Variants in COL5A2 observed in about 807,000 individuals in gnomAD.
COL5A2 encodes collagen type V alpha 2 chain, also known as collagen alpha-2(V) chain.
In COL5A2, 23 loss-of-function variants were observed where a neutral mutation model predicts 208.2. The observed-to-expected ratio is 0.11, with a 90% CI of 0.08 to 0.16. The LOEUF (loss-of-function observed/expected upper bound fraction) is 0.16. Among genes scored for constraint, COL5A2 ranks in the 10% least tolerant of loss-of-function variants. The probability of loss-of-function intolerance (pLI) is 1.00; values close to 1 mark genes in which losing one functional copy is unlikely to be tolerated. For synonymous variants in COL5A2, 625 were observed against 628.5 expected, an observed-to-expected ratio of 0.99 and a Z score of 0.08; for missense variants, 1,590 against 1,956.4, an observed-to-expected ratio of 0.81 and a Z score of 3.53.
At chr2:189,181,266 G>A (rs944600411), upstream of COL5A2, among the ~76,000 whole-genome samples, 2 of 152,042 alleles carry the variant, frequency 1.3e-5, no homozygotes, top group Non-Finnish European at 2.9e-5. Context: ...AATTTTCCCG[G>A]TTGTTTCCAG....
At chr2:189,070,907 GGAATTAA>G (rs1237449872) in intron 18 of COL5A2, among the ~76,000 whole-genome samples, 1 of 152,140 alleles carries the variant, frequency 6.6e-6, no homozygotes, top group Non-Finnish European at 1.5e-5. Context: ...TGCAGGGAAA[GGAATTAA>G]GGCACTATTT....
chr2:189,206,255 A>T (rs1047075944), intron 1 of COL5A2, among the ~76,000 whole-genome samples: 2 of 152,188 alleles, frequency 1.3e-5, no homozygotes, highest in African/African-American at 4.8e-5. Context: ...CCAAGACTGA[A>T]CCAACCATAT....
At chr2:189,361,544 G>GTT in the COL5A2 span, among the ~76,000 whole-genome samples, 19 of 149,538 alleles carry the variant, frequency 1.3e-4, no homozygotes, top group African/African-American at 1.5e-4. Context: ...GTTGGGTCTT[G>GTT]TTTTTTTTTA....
chr2:189,279,845 A>G, the COL5A2 span, among the ~76,000 whole-genome samples: 2 of 152,234 alleles, frequency 1.3e-5, no homozygotes, highest in South Asian at 4.1e-4. Context: ...TCAAATGAAA[A>G]CTACTATAAA....
At chr2:189,369,514 T>C in the COL5A2 span, among the ~76,000 whole-genome samples, 1 of 152,122 alleles carries the variant, frequency 6.6e-6, no homozygotes, top group Non-Finnish European at 1.5e-5. Flanking sequence ...GATACATTCG[T>C]TTTCATTGAG....
intron 1 of COL5A2, among the ~76,000 whole-genome samples, chr2:189,213,020 C>G (rs1256330795): frequency 6.6e-6 from 1 of 151,890 alleles, no homozygotes; most frequent in Non-Finnish European, 1.5e-5. Context: ...TCTCAAGTAA[C>G]TGGGACTACA....
At chr2:189,186,942 T>C (rs182065040) in intron 1 of COL5A2, among the ~76,000 whole-genome samples, 1 of 152,326 alleles carries the variant, frequency 6.6e-6, no homozygotes, top group Admixed American at 6.5e-5. Context: ...TCTTATGATA[T>C]GAATTTTCAT....
At chr2:189,208,342 T>C (rs1479624684) in intron 1 of COL5A2, among the ~76,000 whole-genome samples, 1 of 152,218 alleles carries the variant, frequency 6.6e-6, no homozygotes, top group East Asian at 1.9e-4. Context: ...TTGATTTGAA[T>C]GAATGAACAA....
At chr2:189,243,310 T>C in the COL5A2 span, among the ~76,000 whole-genome samples, 1 of 152,164 alleles carries the variant, frequency 6.6e-6, no homozygotes. Context: ...ATGGAATTTG[T>C]ATTAGTTCAT....
At chr2:189,321,275 C>A in the COL5A2 span, among the ~76,000 whole-genome samples, 1 of 152,098 alleles carries the variant, frequency 6.6e-6, no homozygotes, top group Admixed American at 6.5e-5. Flanking sequence ...GTAAAATAAC[C>A]AGCTAACATA....
intron 1 of COL5A2, among the ~76,000 whole-genome samples, chr2:189,185,773 G>A (rs1332350488): frequency 6.6e-6 from 1 of 152,150 alleles, no homozygotes; most frequent in African/African-American, 2.4e-5. Flanking sequence ...GCTATTTCCT[G>A]AACATACATT....
At chr2:189,050,998 AAG>A (rs1350729498) in intron 42 of COL5A2, among the ~76,000 whole-genome samples, 1 of 152,132 alleles carries the variant, frequency 6.6e-6, no homozygotes, top group Non-Finnish European at 1.5e-5. Context: ...ATAAGGAAAA[AAG>A]AGTTATCTAA....
At chr2:189,084,483 T>G (rs72904472) in intron 11 of COL5A2, among the ~76,000 whole-genome samples, 21,597 of 152,198 alleles carry the variant, frequency 0.14, 1,520 homozygotes, top group Middle Eastern at 0.19. Context: ...GTGCTCTATG[T>G]CCAAATTCAA....
chr2:189,158,015 A>G (rs1688288742), intron 1 of COL5A2, among the ~76,000 whole-genome samples: 1 of 152,028 alleles, frequency 6.6e-6, no homozygotes, highest in South Asian at 2.1e-4. Flanking sequence ...GTATCCCTAC[A>G]GCCTAGCACA....
intron 25 of COL5A2, 120 bp from the exon 26 acceptor site, chr2:189,064,153 A>T (rs1487776385): frequency 1.9e-5 from 16 of 824,310 alleles, no homozygotes; most frequent in Non-Finnish European, 2.0e-5. Context: ...CTGTAAATCA[A>T]ATAAATTTTT....
chr2:189,060,620 C>T lies in COL5A2; in HGVS notation c.2085+110G>A. On this transcript the variant is annotated intron_variant, in intron 31 of 53. Coordinates refer to ENST00000374866, the MANE Select transcript of COL5A2 (RefSeq NM_000393.5). ...CTAGTACATAGGGCTGCTTTGAGAA[C>T]TCAAAGAGATAATGTATGTAAAGGA... 9.7e-6 allele frequency: 9 copies of T among 928,086 alleles called. No individual in the cohort carries two copies. The South Asian group carries it at 1.2e-4, about 13-fold the overall frequency. The allele number at this position is 928,086 out of a possible 1,614,324, so 57.5% of individuals were successfully genotyped here. A position where few individuals can be genotyped will look rare whatever the true frequency, so the allele number is the denominator to read the frequency against.
the COL5A2 span, among the ~76,000 whole-genome samples, chr2:189,272,382 A>T: frequency 0.14 from 21,408 of 152,066 alleles, 1,935 homozygotes; most frequent in South Asian, 0.2. Context: ...GAAGCTGGAA[A>T]CCATCATTCT....
the COL5A2 span, among the ~76,000 whole-genome samples, chr2:189,400,036 T>A: frequency 5.9e-5 from 9 of 152,186 alleles, no homozygotes. Flanking sequence ...AGATTTATTG[T>A]GGCCTATTTG....
Position 189,087,747 on chromosome 2 carries a change from G to A in COL5A2, c.645+948C>T, listed in dbSNP as rs113343752. Among the ~76,000 whole-genome samples the A allele has an allele frequency of 7.8e-3, 1,182 of 151,378 alleles. 16 individuals carry two copies. The highest frequency in any genetic ancestry group is 0.027 in the African/African-American group (1,095 of 41,242). On this transcript the variant is annotated intron_variant, in intron 8 of 53. Transcript: ENST00000374866. ...CTCCCAAAGTGCTGGGAGAACAGGC[G>A]TGAGCCACCGTGCCTGGCCAAAATC...
Sources: gnomAD v4.1 joint callset for allele counts (sites outside exome capture counted in the v4.1 genomes callset) on GRCh38, gnomAD v4.1.1 for gene constraint, MANE v1.5 for transcripts, NCBI Gene and HGNC (gene_info 2026-07-23, HGNC 2026-07-21) for gene names.